The following SMYD3 variants were observed in gnomAD, a reference collection of about 807,000 sequenced individuals.
The protein encoded by SMYD3 is histone-lysine N-methyltransferase SMYD3.
A neutral mutation model predicts 57.7 loss-of-function variants in SMYD3; 36 were observed. That is an observed-to-expected ratio of 0.62 (90% CI 0.48 to 0.82). The LOEUF (loss-of-function observed/expected upper bound fraction) is 0.82, where lower values mean the gene tolerates loss of function less well. Ranked by LOEUF, SMYD3 falls within the 40% of genes least tolerant of loss-of-function variation. The pLI is 0.00. For missense variants in SMYD3, 515 were observed against 538.8 expected, an observed-to-expected ratio of 0.96 and a Z score of 0.44; for synonymous variants, 211 against 195.0, an observed-to-expected ratio of 1.08 and a Z score of -0.68.
At chr1:246,074,047 A>T (rs1005109230) in intron 5 of SMYD3, among the ~76,000 whole-genome samples, 1 of 152,204 alleles carries the variant, frequency 6.6e-6, no homozygotes, top group East Asian at 1.9e-4. Context: ...TTCTTAAAAC[A>T]TAAGTTTTTT....
rs368514552 is a variant in SMYD3, at chr1:246,403,916, G to A, written c.165-48822C>T. The stretch of plus-strand genomic sequence containing the variant: ...AAAACATATACAAAGCATGTGAAAC[G>A]TCTCAGATACCCTGATTCAAAGTCA... On this transcript the variant is annotated intron_variant, in intron 1 of 11. Transcript: ENST00000490107. 1.7e-4 allele frequency among the ~76,000 whole-genome samples: 26 copies of A among 152,242 alleles called. No homozygotes were observed. The East Asian group carries it at 3.1e-3, about 18-fold the overall frequency.
chr1:245,788,670 T>C (rs2047146910), intron 10 of SMYD3, among the ~76,000 whole-genome samples: 1 of 152,134 alleles, frequency 6.6e-6, no homozygotes, highest in Non-Finnish European at 1.5e-5. Flanking sequence ...GCTTAATAAG[T>C]GTTGGCTAGC....
At chr1:245,848,374 C>T (rs1238898992) in intron 10 of SMYD3, among the ~76,000 whole-genome samples, 4 of 152,024 alleles carry the variant, frequency 2.6e-5, no homozygotes, top group Non-Finnish European at 5.9e-5. Flanking sequence ...CCCACCTTGG[C>T]CTCCCAAAGT....
intron 5 of SMYD3, among the ~76,000 whole-genome samples, chr1:246,218,019 A>G (rs1164485291): frequency 6.7e-6 from 1 of 149,170 alleles, no homozygotes; most frequent in East Asian, 2.1e-4. Context: ...AAAAACAGAA[A>G]ATAAATAAAC....
intron 5 of SMYD3, among the ~76,000 whole-genome samples, chr1:246,277,938 C>T (rs1558371683): frequency 6.6e-6 from 1 of 152,166 alleles, no homozygotes; most frequent in Admixed American, 6.6e-5. Flanking sequence ...TCTTCATTGC[C>T]ATGATAATCA....
At chr1:246,216,437 T>C (rs527847851) in intron 5 of SMYD3, among the ~76,000 whole-genome samples, 1 of 152,196 alleles carries the variant, frequency 6.6e-6, no homozygotes, top group South Asian at 2.1e-4. Context: ...TGTACCCTCA[T>C]TTGGGGAAAA....
At chr1:246,073,875 T>TATGA (rs1363257948) in intron 5 of SMYD3, among the ~76,000 whole-genome samples, 1 of 152,110 alleles carries the variant, frequency 6.6e-6, no homozygotes, top group East Asian at 1.9e-4. Flanking sequence ...AGAAGTTCCG[T>TATGA]ATGACTCCAT....
At chr1:246,047,042 G>A (rs2059980530) in intron 5 of SMYD3, among the ~76,000 whole-genome samples, 1 of 152,032 alleles carries the variant, frequency 6.6e-6, no homozygotes, top group Non-Finnish European at 1.5e-5. Flanking sequence ...TCCTGAAGAG[G>A]AGGTTACTTT....
chr1:245,851,650 G>C (rs2050982238), intron 10 of SMYD3, among the ~76,000 whole-genome samples: 1 of 152,224 alleles, frequency 6.6e-6, no homozygotes, highest in Admixed American at 6.5e-5. Flanking sequence ...CAGCTGCACA[G>C]TGGAGCTCAT....
At chr1:245,904,683 G>A (rs1467375889) in intron 8 of SMYD3, among the ~76,000 whole-genome samples, 7 of 152,098 alleles carry the variant, frequency 4.6e-5, no homozygotes, top group East Asian at 1.9e-4. Flanking sequence ...ACTGCAACTC[G>A]TAGGCAAGTC....
In SMYD3 at chr1:246,385,666, A is replaced by G. The variant is rs139554717; in HGVS notation, c.165-30572T>C. The stretch of plus-strand genomic sequence containing the variant: ...TACTGCCCTCCAAACTGTGCATTAT[A>G]TTGTCTATGAACAAGAAATGAAATG... On this transcript the variant is annotated intron_variant, in intron 1 of 11. Transcript: ENST00000490107. Among the ~76,000 whole-genome samples the G allele has an allele frequency of 5.6e-3, 851 of 152,330 alleles. 7 individuals are homozygous for G. Among genetic ancestry groups the G allele is most frequent in the African/African-American group, 0.02 (816 of 41,572 alleles).
chr1:245,829,790 C>CA (rs1412605939), intron 10 of SMYD3, among the ~76,000 whole-genome samples: 13 of 151,820 alleles, frequency 8.6e-5, no homozygotes, highest in African/African-American at 2.9e-4. Context: ...TATTACTTGG[C>CA]AAAAAAAGAA....
At chr1:245,837,165 A>G (rs2050143824) in intron 10 of SMYD3, among the ~76,000 whole-genome samples, 1 of 151,810 alleles carries the variant, frequency 6.6e-6, no homozygotes, top group African/African-American at 2.4e-5. Context: ...CATCTCTACT[A>G]AAAATACAAA....
At chr1:245,825,266 G>T (rs1385000803) in intron 10 of SMYD3, among the ~76,000 whole-genome samples, 1 of 152,166 alleles carries the variant, frequency 6.6e-6, no homozygotes, top group Admixed American at 6.5e-5. Context: ...CGTTCTCTTA[G>T]ATTTGGAAAC....
intron 5 of SMYD3, among the ~76,000 whole-genome samples, chr1:246,288,539 C>T (rs1474328797): frequency 6.6e-6 from 1 of 151,994 alleles, no homozygotes; most frequent in African/African-American, 2.4e-5. Flanking sequence ...AGAATAAAAG[C>T]TAAGGCTAGT....
chr1:246,437,871 A>C (rs985638561), intron 1 of SMYD3, among the ~76,000 whole-genome samples: 4 of 152,250 alleles, frequency 2.6e-5, no homozygotes, highest in African/African-American at 9.6e-5. Context: ...TATACTGAGA[A>C]TTCAACCTAA....
intron 5 of SMYD3, among the ~76,000 whole-genome samples, chr1:246,015,034 A>G (rs1378899702): frequency 8.5e-5 from 13 of 152,106 alleles, no homozygotes; most frequent in Admixed American, 8.5e-4. Flanking sequence ...GGCCCAACAG[A>G]TGGTCCCAGG....
intron 8 of SMYD3, among the ~76,000 whole-genome samples, chr1:245,885,302 C>G (rs566006930): frequency 6.6e-6 from 1 of 152,280 alleles, no homozygotes; most frequent in Non-Finnish European, 1.5e-5. Context: ...TCAGTGAGAC[C>G]AAGAACCCAC....
chr1:246,293,147 C>CA (rs2064728239), intron 5 of SMYD3, among the ~76,000 whole-genome samples: 1 of 151,828 alleles, frequency 6.6e-6, no homozygotes, highest in African/African-American at 2.4e-5. Context: ...TGTGAATCCC[C>CA]AAACTACATC....
Sources: allele counts gnomAD v4.1 joint callset (sites outside exome capture counted in the v4.1 genomes callset), GRCh38; gene constraint gnomAD v4.1.1; transcripts MANE v1.5; gene names NCBI Gene and HGNC (gene_info 2026-07-23, HGNC 2026-07-21).